ACYP2: variants seen among roughly 807,000 people sequenced by gnomAD.
ACYP2 encodes the protein acylphosphatase-2.
A neutral mutation model predicts 11.2 loss-of-function variants in ACYP2; 12 were observed. The ratio of observed to expected loss-of-function variants is 1.08; its 90% CI spans 0.69 to 1.74. ACYP2 has a LOEUF of 1.74. ACYP2 is among the 40% of genes most tolerant of loss of function. The pLI is 0.00. For synonymous variants in ACYP2, 43 were observed against 32.2 expected, an observed-to-expected ratio of 1.33 and a Z score of -1.13; for missense variants, 134 against 101.9, an observed-to-expected ratio of 1.31 and a Z score of -1.35.
chr2:54,087,261 T>G (rs1264815268), intron 4 of ACYP2, among the ~76,000 whole-genome samples: 1 of 152,236 alleles, frequency 6.6e-6, no homozygotes, highest in African/African-American at 2.4e-5. Context: ...AAATATCTGT[T>G]TTAGAAATTA....
At chr2:54,029,066 G>A (rs780090690) in intron 2 of ACYP2, among the ~76,000 whole-genome samples, 2 of 152,140 alleles carry the variant, frequency 1.3e-5, no homozygotes, top group African/African-American at 2.4e-5. Flanking sequence ...TCAGGAGGCC[G>A]AGGTAGGAGC....
intron 6 of ACYP2, among the ~76,000 whole-genome samples, chr2:54,250,296 G>A (rs565826730): frequency 1.1e-4 from 16 of 152,268 alleles, no homozygotes; most frequent in Non-Finnish European, 1.3e-4. Context: ...GGCCAGCATG[G>A]TGAAACCCTG....
chr2:54,009,705 T>C (rs1431231845), intron 2 of ACYP2, among the ~76,000 whole-genome samples: 2 of 151,934 alleles, frequency 1.3e-5, no homozygotes, highest in African/African-American at 2.4e-5. Flanking sequence ...AATGGAAGGG[T>C]CTTGTTTCAA....
intron 6 of ACYP2, among the ~76,000 whole-genome samples, chr2:54,174,399 G>A (rs1242236978): frequency 1.3e-5 from 2 of 152,118 alleles, no homozygotes; most frequent in Non-Finnish European, 2.9e-5. Context: ...TGCTGAAGTT[G>A]CTTATCAGCT....
intron 4 of ACYP2, among the ~76,000 whole-genome samples, chr2:54,114,259 T>C (rs1452139546): frequency 6.6e-6 from 1 of 152,034 alleles, no homozygotes; most frequent in Non-Finnish European, 1.5e-5. Flanking sequence ...AATAGCTGTA[T>C]CCAGATCCTT....
intron 2 of ACYP2, among the ~76,000 whole-genome samples, chr2:54,004,981 A>T (rs888065146): frequency 6.5e-4 from 98 of 151,848 alleles, no homozygotes; most frequent in African/African-American, 2.3e-3. Context: ...CTTCTATCAG[A>T]CATGTCTTTT....
chr2:53,986,311 C>G (rs559299045), intron 2 of ACYP2, among the ~76,000 whole-genome samples: 1 of 151,308 alleles, frequency 6.6e-6, no homozygotes, highest in East Asian at 2.0e-4. Context: ...GCTTCCTGTA[C>G]AGCCTGCAGA....
At chr2:54,282,246 G>T (rs928471417) in intron 6 of ACYP2, among the ~76,000 whole-genome samples, 7 of 152,144 alleles carry the variant, frequency 4.6e-5, no homozygotes, top group Non-Finnish European at 2.9e-5. Flanking sequence ...ATCTGTTAGG[G>T]TTAGAGATTG....
intron 6 of ACYP2, chr2:54,255,634 A>T: frequency 1.9e-6 from 3 of 1,613,290 alleles, no homozygotes; most frequent in Non-Finnish European, 2.5e-6. Flanking sequence ...TTCTTCCGCC[A>T]CGTCCATTTC....
At chr2:54,191,904 C>T (rs1022384374) in intron 6 of ACYP2, among the ~76,000 whole-genome samples, 2 of 152,174 alleles carry the variant, frequency 1.3e-5, no homozygotes, top group Admixed American at 6.5e-5. Flanking sequence ...TATTATCTGT[C>T]CACCCACAGG....
intron 2 of ACYP2, among the ~76,000 whole-genome samples, chr2:53,986,837 C>G (rs1473770495): frequency 6.6e-6 from 1 of 152,036 alleles, no homozygotes; most frequent in Non-Finnish European, 1.5e-5. Context: ...CTTGGCCAGG[C>G]TGGTCTTGAA....
At chr2:54,230,992 A>G (rs1003282163) in intron 6 of ACYP2, among the ~76,000 whole-genome samples, 2 of 150,628 alleles carry the variant, frequency 1.3e-5, no homozygotes, top group African/African-American at 4.9e-5. Context: ...CACCACGCCC[A>G]GCTAATTTTT....
intron 6 of ACYP2, among the ~76,000 whole-genome samples, chr2:54,232,370 C>T (rs938829516): frequency 6.6e-6 from 1 of 150,598 alleles, no homozygotes. Context: ...CCTCTGACAC[C>T]ATCACTTAGA....
At chr2:54,211,924 T>C (rs552765343) in intron 6 of ACYP2, among the ~76,000 whole-genome samples, 75 of 152,242 alleles carry the variant, frequency 4.9e-4, no homozygotes, top group Non-Finnish European at 8.4e-4. Context: ...CTCTCTCTCT[T>C]TTTTTCTGAC....
At chr2:54,185,034 A>T (rs1683913614) in intron 6 of ACYP2, among the ~76,000 whole-genome samples, 2 of 151,928 alleles carry the variant, frequency 1.3e-5, no homozygotes, top group Non-Finnish European at 2.9e-5. Flanking sequence ...TTTAGTAGAG[A>T]CGGGGTTTCA....
intron 2 of ACYP2, among the ~76,000 whole-genome samples, chr2:54,029,185 G>A (rs559091837): frequency 6.6e-6 from 1 of 152,044 alleles, no homozygotes; most frequent in East Asian, 1.9e-4. Context: ...AAAAAAATCT[G>A]CCCTTTGTCA....
intron 2 of ACYP2, chr2:53,975,391 A>G (rs1466655621): frequency 7.6e-6 from 3 of 397,018 alleles, no homozygotes; most frequent in Non-Finnish European, 1.3e-5. Context: ...AATGCTTCCC[A>G]GTGAGAAAGT....
At chr2:54,074,598 G>A (rs1300201581) in intron 4 of ACYP2, among the ~76,000 whole-genome samples, 1 of 151,628 alleles carries the variant, frequency 6.6e-6, no homozygotes, top group Non-Finnish European at 1.5e-5. Flanking sequence ...GTGTGTGTGT[G>A]TGTGTGTGTG....
intron 6 of ACYP2, among the ~76,000 whole-genome samples, chr2:54,229,839 CAT>C (rs1217962681): frequency 6.6e-6 from 1 of 152,150 alleles, no homozygotes; most frequent in Non-Finnish European, 1.5e-5. Context: ...TGACTAACAT[CAT>C]ATAGTGTTGT....
Sources: gnomAD v4.1 joint callset for allele counts (sites outside exome capture counted in the v4.1 genomes callset) on GRCh38, gnomAD v4.1.1 for gene constraint, MANE v1.5 for transcripts, NCBI Gene and HGNC (gene_info 2026-07-23, HGNC 2026-07-21) for gene names.